Variants in CCDC93 observed in about 807,000 individuals in gnomAD.
CCDC93 encodes the protein CCC complex scaffolding subunit CCDC93, also known as coiled-coil domain-containing protein 93.
In CCDC93, 61 loss-of-function variants were observed where a neutral mutation model predicts 108.2. The observed-to-expected ratio is 0.56, with a 90% CI of 0.46 to 0.70. CCDC93 has a LOEUF of 0.70. Among genes scored for constraint, CCDC93 ranks in the 30% least tolerant of loss-of-function variants. The pLI is 0.00. For synonymous variants in CCDC93, 276 were observed against 260.4 expected (o/e 1.06, Z -0.58); for missense variants, 685 against 764.2 (o/e 0.90, Z 1.22).
chr2:117,951,295 G>T lies in CCDC93; in HGVS notation c.1068+1078C>A, dbSNP rs181572884. 1.0e-5 allele frequency: 10 copies of T among 985,272 alleles called. No homozygotes were observed. The South Asian group carries it at 3.3e-4, about 32-fold the overall frequency. 61.0% of individuals were successfully genotyped at this position (985,272 alleles called of 1,614,324 possible). A position where few individuals can be genotyped will look rare whatever the true frequency, so the allele number is the denominator to read the frequency against. ...GAACCCAGTCACAGAGCAATGTAAA[G>T]GAAGCTAATCTGTCCAAAGGCAAGG... On this transcript the variant is annotated intron_variant, in intron 13 of 23. Transcript: ENST00000376300.
intron 22 of CCDC93, among the ~76,000 whole-genome samples, chr2:117,932,309 T>C (rs1028231797): frequency 6.6e-6 from 1 of 152,226 alleles, no homozygotes; most frequent in East Asian, 1.9e-4. Flanking sequence ...CCATGATTTC[T>C]GTGTTACACT....
chr2:117,943,517 G>A lies in CCDC93; in HGVS notation c.1413+507C>T, dbSNP rs75224098. Among the ~76,000 whole-genome samples, 478 of 152,274 alleles carry A rather than the reference G, an allele frequency of 3.1e-3. 5 individuals carry two copies. Among genetic ancestry groups the A allele is most frequent in the African/African-American group, 0.011 (457 of 41,542 alleles). On this transcript the variant is annotated intron_variant, in intron 18 of 23. Transcript: ENST00000376300. ...TGCAGCCTTTTGGCCACTCCTACCC[G>A]AGCCCGGCCTTTCCCTCCCAGGGAA...
rs1678692699 is a variant in CCDC93, at chr2:117,941,308, A to G, written c.1414-11T>C. The G allele has an allele frequency of 6.2e-7, 1 of 1,604,012 alleles. No homozygotes were observed. The highest frequency in any genetic ancestry group is 8.5e-7 in the Non-Finnish European group (1 of 1,170,810). ...TCGATTTCTTCGAGCCTAAATGCAA[A>G]AGGGAGACAGAGACAGTACTATTTG... is the stretch of plus-strand genomic sequence containing the variant. On this transcript the variant is annotated splice_polypyrimidine_tract_variant and intron_variant, in intron 18 of 23. Transcript: ENST00000376300.
chr2:117,948,393 C>T lies in CCDC93; in HGVS notation c.1143-207G>A, dbSNP rs541203562. The stretch of plus-strand genomic sequence containing the variant: ...TTTATAAACCCAAGACCATCAATGC[C>T]GGATCCAAGAAAACATTACAGATTC... On this transcript the variant is annotated intron_variant, in intron 14 of 23. Coordinates refer to ENST00000376300, the MANE Select transcript of CCDC93 (RefSeq NM_019044.5). 2.5e-4 allele frequency among the ~76,000 whole-genome samples: 38 copies of T among 152,210 alleles called. No individual in the cohort carries two copies. The highest frequency in any genetic ancestry group is 7.9e-4 in the African/African-American group (33 of 41,544).
chr2:117,936,113 G>A (rs1445857797), intron 21 of CCDC93, among the ~76,000 whole-genome samples: 1 of 151,496 alleles, frequency 6.6e-6, no homozygotes. Context: ...ATCTGCCAGA[G>A]GACAGCAGAG....
intron 2 of CCDC93, among the ~76,000 whole-genome samples, chr2:118,007,526 G>A (rs1037023606): frequency 1.5e-4 from 23 of 152,098 alleles, no homozygotes; most frequent in East Asian, 3.8e-4. Flanking sequence ...AAAATTAGTC[G>A]GGCATGGTGG....
At chr2:117,926,138 T>C (rs1402606381) in intron 23 of CCDC93, among the ~76,000 whole-genome samples, 2 of 152,108 alleles carry the variant, frequency 1.3e-5, no homozygotes, top group Admixed American at 1.3e-4. Context: ...GGGAAATTTA[T>C]AGCACTAAAT....
chr2:117,964,438 T>C (rs951878172), intron 11 of CCDC93, among the ~76,000 whole-genome samples: 1 of 152,198 alleles, frequency 6.6e-6, no homozygotes, highest in African/African-American at 2.4e-5. Flanking sequence ...CCCAATTGTG[T>C]TGGGCACTGA....
intron 7 of CCDC93, among the ~76,000 whole-genome samples, chr2:117,982,103 G>A: frequency 6.7e-6 from 1 of 148,692 alleles, no homozygotes; most frequent in Non-Finnish European, 1.5e-5. Flanking sequence ...ACAGAATGCT[G>A]GAGTTAGCCT....
chr2:118,009,675 AAAAC>A (rs1186534354), intron 1 of CCDC93, among the ~76,000 whole-genome samples: 5 of 152,182 alleles, frequency 3.3e-5, no homozygotes, highest in East Asian at 3.9e-4. Context: ...CTATCTCTAA[AAAAC>A]AAACAAACAA....
intron 23 of CCDC93, among the ~76,000 whole-genome samples, chr2:117,925,650 T>C (rs1392563905): frequency 6.6e-6 from 1 of 152,160 alleles, no homozygotes; most frequent in African/African-American, 2.4e-5. Flanking sequence ...CAAAGAGACT[T>C]AGACTACCAC....
At chr2:117,989,279 G>C (rs558559641) in intron 6 of CCDC93, among the ~76,000 whole-genome samples, 28 of 152,228 alleles carry the variant, frequency 1.8e-4, no homozygotes, top group African/African-American at 6.5e-4. Flanking sequence ...GTGTGATGCT[G>C]AGCAACATCA....
At chr2:117,941,638 C>A (rs1343184351) in intron 18 of CCDC93, among the ~76,000 whole-genome samples, 2 of 152,146 alleles carry the variant, frequency 1.3e-5, no homozygotes, top group African/African-American at 2.4e-5. Flanking sequence ...CTCCACCCTG[C>A]CAGGCAGGGA....
At chr2:118,011,607 G>A (rs1051990248) in intron 1 of CCDC93, among the ~76,000 whole-genome samples, 3 of 151,972 alleles carry the variant, frequency 2.0e-5, no homozygotes, top group Non-Finnish European at 2.9e-5. Context: ...AACTTCTGGG[G>A]TGTAAAACAG....
intron 15 of CCDC93, 44 bp downstream of exon 15, chr2:117,948,061 C>T (rs1448808843): frequency 1.4e-6 from 2 of 1,452,448 alleles, no homozygotes; most frequent in Middle Eastern, 1.7e-4. Context: ...CCAAGAGATT[C>T]AATAAGCGTC....
Position 117,963,730 on chromosome 2 carries a change from C to T in CCDC93, c.889-5249G>A, listed in dbSNP as rs560102173. Among the ~76,000 whole-genome samples the T allele has an allele frequency of 3.9e-5, 6 of 152,326 alleles. No individual in the cohort carries two copies. The South Asian group carries it at 6.2e-4, about 16-fold the overall frequency. ...AAACCTCCTCTTTAATCCCCATACA[C>T]TACTGTCAGGTCAGATGGCATCCTC... On this transcript the variant is annotated intron_variant, in intron 11 of 23. Coordinates refer to ENST00000376300, the MANE Select transcript of CCDC93 (RefSeq NM_019044.5).
At position 117,915,989 on chromosome 2, in the gene CCDC93, T is replaced by C. The variant is rs1257176767; in HGVS notation, c.*4354A>G. The C allele has an allele frequency of 1.3e-5, 2 of 152,258 alleles. No homozygotes were observed. Among genetic ancestry groups the C allele is most frequent in the African/African-American group, 4.8e-5 (2 of 41,478 alleles). 9.4% of individuals were successfully genotyped at this position (152,258 alleles called of 1,614,324 possible). A position where few individuals can be genotyped will look rare whatever the true frequency, so the allele number is the denominator to read the frequency against. On this transcript the variant is annotated 3_prime_UTR_variant, in exon 24 of 24. Transcript: ENST00000376300. ...CCCTGTATTGGTGGCACTCTCCAAC[T>C]TTTTGCTATTACAATGTTTCAACAA...
chr2:117,973,065 C>T (rs4849647), intron 11 of CCDC93, among the ~76,000 whole-genome samples: 148,071 of 152,242 alleles, frequency 0.97, 72,144 homozygotes, highest in Middle Eastern at 1. Context: ...AAAACTGTTT[C>T]CCAAAAGTCT....
At chr2:117,928,506 A>G (rs1444217373) in intron 23 of CCDC93, among the ~76,000 whole-genome samples, 1 of 152,264 alleles carries the variant, frequency 6.6e-6, no homozygotes, top group East Asian at 1.9e-4. Flanking sequence ...GACACATGAA[A>G]AAGTGCTCAT....
Sources: allele counts gnomAD v4.1 joint callset (sites outside exome capture counted in the v4.1 genomes callset), GRCh38; gene constraint gnomAD v4.1.1; transcripts MANE v1.5; gene names NCBI Gene and HGNC (gene_info 2026-07-23, HGNC 2026-07-21).